Variants in ST14 observed in about 807,000 individuals in gnomAD.
ST14 encodes the protein suppressor of tumorigenicity 14 protein.
A neutral mutation model predicts 96.5 loss-of-function variants in ST14; 40 were observed. The ratio of observed to expected loss-of-function variants is 0.41; its 90% CI spans 0.32 to 0.54. The LOEUF is 0.54. ST14 is among the 20% of genes least tolerant of loss of function. The probability of loss-of-function intolerance (pLI) is 0.17; values close to 1 mark genes in which losing one functional copy is unlikely to be tolerated. For missense variants in ST14, 1,066 were observed against 1,188.9 expected, an observed-to-expected ratio of 0.90 and a Z score of 1.52; for synonymous variants, 506 against 492.1, an observed-to-expected ratio of 1.03 and a Z score of -0.37.
At chr11:130,189,649 C>A in intron 4 of ST14, 90 bp from the exon 5 acceptor site, 2 of 1,558,232 alleles carry the variant, frequency 1.3e-6, no homozygotes, top group South Asian at 1.1e-5. Context: ...AGGTGTGCCC[C>A]GAGCCGCCCA....
intron 4 of ST14, 160 bp from the exon 5 acceptor site, chr11:130,189,579 G>A: frequency 1.1e-6 from 1 of 897,118 alleles, no homozygotes; most frequent in Non-Finnish European, 1.7e-6. Flanking sequence ...TCTTGCTTTG[G>A]GGTGGAAAGA....
At chr11:130,203,229 G>A (rs1953449814) in intron 16 of ST14, among the ~76,000 whole-genome samples, 1 of 152,088 alleles carries the variant, frequency 6.6e-6, no homozygotes, top group African/African-American at 2.4e-5. Flanking sequence ...GGGGTCACGG[G>A]GAATTGAGCT....
At chr11:130,164,928 G>C (rs998166877) in intron 1 of ST14, among the ~76,000 whole-genome samples, 1 of 151,682 alleles carries the variant, frequency 6.6e-6, no homozygotes, top group African/African-American at 2.4e-5. Context: ...GTAGAGATGG[G>C]GTTTCTCCAT....
intron 16 of ST14, among the ~76,000 whole-genome samples, chr11:130,208,125 C>G (rs1430886902): frequency 6.6e-6 from 1 of 152,104 alleles, no homozygotes; most frequent in African/African-American, 2.4e-5. Context: ...TGTTATTCCT[C>G]CTGTGAAAGA....
In ST14 at chr11:130,159,866, T is replaced by C. The variant is rs1181722760; in HGVS notation, c.-114T>C. 4.3e-6 allele frequency: 2 copies of C among 460,392 alleles called. No individual in the cohort carries two copies. Among genetic ancestry groups the C allele is most frequent in the Non-Finnish European group, 6.4e-6 (2 of 311,360 alleles). The allele number at this position is 460,392 out of a possible 1,614,324, so 28.5% of individuals were successfully genotyped here. On this transcript the variant is annotated 5_prime_UTR_variant, in exon 1 of 19. Coordinates refer to ENST00000278742, the MANE Select transcript of ST14 (RefSeq NM_021978.4). ...GGGCACCGCCGCCGGTCGGGCGCGC[T>C]GGGCCTGCCCGGAATCCCGCCGCCT... is the stretch of plus-strand genomic sequence containing the variant.
At chr11:130,208,352 G>A (rs1050717566) in intron 16 of ST14, 58 bp from the exon 17 acceptor site, 2 of 1,612,096 alleles carry the variant, frequency 1.2e-6, no homozygotes, top group South Asian at 2.2e-5. Flanking sequence ...GCGGGGCCGC[G>A]AGGCCGTGTG....
At chr11:130,208,821 G>A in intron 17 of ST14, 137 bp downstream of exon 17, 15 of 1,158,128 alleles carry the variant, frequency 1.3e-5, no homozygotes, top group Non-Finnish European at 1.8e-5. Context: ...GCTGTCCAGG[G>A]CGGAATGGAG....
chr11:130,208,296 C>A (rs1953508761), intron 16 of ST14, 114 bp from the exon 17 acceptor site: 1 of 1,468,058 alleles, frequency 6.8e-7, no homozygotes. Flanking sequence ...ATCGTCTTCT[C>A]GTAGCAGCAG....
chr11:130,199,056 T>C lies in ST14; in HGVS notation c.1794T>C (p.Asp598=), dbSNP rs1417966208. The change falls in exon 15 of 19, where the codon GAT becomes GAC. Residue 598 remains aspartate, a synonymous_variant. Transcript: ENST00000278742. ...AGGAGGACTGTAGCGACGGCTCAGA[T>C]GAGAAGGACTGCGGTGAGCAGGGCA... The part of the protein sequence containing the change: ...DGKEDCSDGS[D]EKDCDCGLRS... The C allele has an allele frequency of 1.2e-6, 2 of 1,613,650 alleles. No homozygotes were observed. Among genetic ancestry groups the C allele is most frequent in the Non-Finnish European group, 1.7e-6 (2 of 1,179,804 alleles).
At chr11:130,171,208 GAT>G (rs1367053472) in intron 1 of ST14, among the ~76,000 whole-genome samples, 1 of 152,152 alleles carries the variant, frequency 6.6e-6, no homozygotes, top group East Asian at 1.9e-4. Flanking sequence ...AAACACCAGT[GAT>G]ACCATCCCAT....
At chr11:130,172,435 T>A (rs1953100964) in intron 1 of ST14, among the ~76,000 whole-genome samples, 1 of 136,824 alleles carries the variant, frequency 7.3e-6, no homozygotes, top group East Asian at 2.3e-4. Flanking sequence ...TTTTTTTTTT[T>A]GAGACAGAGT....
At chr11:130,204,178 G>A (rs958313107) in intron 16 of ST14, among the ~76,000 whole-genome samples, 1 of 152,202 alleles carries the variant, frequency 6.6e-6, no homozygotes, top group Non-Finnish European at 1.5e-5. Flanking sequence ...TGAAGGCTGG[G>A]TCATAGATCG....
At position 130,200,126 on chromosome 11, in the gene ST14, CAG is replaced by C; in HGVS notation, c.1986_1987del (p.Gly663IlefsTer42). ...CTGCCGCACACTGCTACATCGATGACAGAGGATTCAGGTGGGTCTCTGGGTGG... is the reference window on the plus strand; with the variant it reads ...CTGCCGCACACTGCTACATCGATGACAGGATTCAGGTGGGTCTCTGGGTGG... ...VSAAHCYIDD[R>X]GFRYSDPTQW... is the part of the protein sequence containing the mutation. On this transcript the variant is annotated frameshift_variant, in exon 16 of 19. Coordinates refer to ENST00000278742, the MANE Select transcript of ST14 (RefSeq NM_021978.4). LOFTEE classifies it high-confidence loss of function. 1 of 1,614,172 alleles carries C rather than the reference CAG, an allele frequency of 6.2e-7. No homozygotes were observed. The highest frequency in any genetic ancestry group is 8.5e-7 in the Non-Finnish European group (1 of 1,180,020).
intron 1 of ST14, among the ~76,000 whole-genome samples, chr11:130,165,064 G>T (rs1011109306): frequency 1.3e-5 from 2 of 152,216 alleles, no homozygotes; most frequent in Non-Finnish European, 2.9e-5. Flanking sequence ...CCTTTTTATA[G>T]GTGAGGAAAA....
At chr11:130,168,655 GAATCC>G (rs1293553817) in intron 1 of ST14, among the ~76,000 whole-genome samples, 1 of 152,194 alleles carries the variant, frequency 6.6e-6, no homozygotes, top group East Asian at 1.9e-4. Flanking sequence ...TCGGCTCTGA[GAATCC>G]AATTTCAAGG....
chr11:130,172,488 G>A (rs962667034), intron 1 of ST14, among the ~76,000 whole-genome samples: 1 of 149,404 alleles, frequency 6.7e-6, no homozygotes, highest in African/African-American at 2.5e-5. Context: ...TGCGATCTCG[G>A]CTCACTGCAA....
At chr11:130,189,345 T>C (rs1195747267) in intron 4 of ST14, 4 of 438,884 alleles carry the variant, frequency 9.1e-6, no homozygotes, top group East Asian at 4.5e-5. Flanking sequence ...AAGTGCTTTT[T>C]ATTTTGCTAG....
intron 1 of ST14, among the ~76,000 whole-genome samples, chr11:130,160,589 T>C (rs1416540237): frequency 1.3e-5 from 2 of 151,890 alleles, no homozygotes; most frequent in South Asian, 2.1e-4. Context: ...AACTCCAGAG[T>C]TGGGCTTGCC....
chr11:130,210,130 C>G lies in ST14; in HGVS notation c.*307C>G. 1 of 351,084 alleles carries G rather than the reference C, an allele frequency of 2.8e-6. No individual in the cohort carries two copies. The allele number at this position is 351,084 out of a possible 1,614,324, so 21.7% of individuals were successfully genotyped here. On this transcript the variant is annotated 3_prime_UTR_variant, in exon 19 of 19. Coordinates refer to ENST00000278742, the MANE Select transcript of ST14 (RefSeq NM_021978.4). ...GCCGAGGCGCGTTTGTGCATATCTG[C>G]CTCCCCTGTCTCTAAGGAGCAGCGG...
Sources: allele counts gnomAD v4.1 joint callset (sites outside exome capture counted in the v4.1 genomes callset), GRCh38; gene constraint gnomAD v4.1.1; transcripts MANE v1.5; gene names NCBI Gene and HGNC (gene_info 2026-07-23, HGNC 2026-07-21).